The following KMT2D variants were observed in gnomAD, a reference collection of about 807,000 sequenced individuals.
KMT2D encodes the protein histone-lysine N-methyltransferase 2D.
Under a neutral mutation model 512.7 loss-of-function variants are expected in KMT2D, and 55 were observed. The ratio of observed to expected loss-of-function variants is 0.11; its 90% CI spans 0.09 to 0.13. The LOEUF is 0.13. KMT2D is among the 10% of genes least tolerant of loss of function. KMT2D has a pLI of 1.00. For missense variants in KMT2D, 6,061 were observed against 7,127.9 expected (o/e 0.85, Z 5.39); for synonymous variants, 2,995 against 2,904.0 (o/e 1.03, Z -1.01).
In KMT2D at chr12:49,033,877, G is replaced by A; in HGVS notation, c.10828C>T (p.Gln3610Ter). The change falls in exon 40 of 55, where the codon CAG (glutamine) becomes TAG (stop). Residue 3610 changes from glutamine to a stop codon, truncating the protein, a stop_gained. Coordinates refer to ENST00000301067, the MANE Select transcript of KMT2D (RefSeq NM_003482.4). LOFTEE classifies it high-confidence loss of function. ...GCCAGCACAGCTGAGTGCTGTTGCT[G>A]TTGTTGCTGCTGCTGCTGCTGTTGT... Reference protein sequence around the residue: ...QQQQQQQQQQQQQHSAVLALS... With the variant: ...QQQQQQQQQQ 6.4e-7 allele frequency: 1 copy of A among 1,554,804 alleles called. No homozygotes were observed. The highest frequency in any genetic ancestry group is 8.7e-7 in the Non-Finnish European group (1 of 1,150,296).
In KMT2D at chr12:49,051,941, A is replaced by T. The variant is rs1938075490; in HGVS notation, c.1742T>A (p.Met581Lys). The T allele has an allele frequency of 6.2e-7, 1 of 1,611,328 alleles. No homozygotes were observed. The highest frequency in any genetic ancestry group is 8.5e-7 in the Non-Finnish European group (1 of 1,179,126). ...GGGTGACTCTTCAGGTGGAGGGGAC[A>T]TGGGTGACTCCTCAGGTGGTGGAGA... The part of the protein sequence containing the change: ...RLSPPPEESP[M>K]SPPPEESPMS... The change falls in exon 11 of 55, where the codon ATG becomes AAG. Residue 581 changes from methionine to lysine, a missense_variant. By Grantham distance (95) the Met-to-Lys change is moderately conservative. This residue lies in a region of KMT2D where 848 missense variants were observed against 838.5 expected (regional missense o/e 1.01). Transcript: ENST00000301067.
chr12:49,042,847 C>T lies in KMT2D; in HGVS notation c.5676G>A (p.Gln1892=), dbSNP rs753626919. 3.7e-6 allele frequency: 6 copies of T among 1,613,962 alleles called. No homozygotes were observed. The highest frequency in any genetic ancestry group is 5.1e-6 in the Non-Finnish European group (6 of 1,179,862). ...AGCCCAGAACATCCTTGAAGAGCTG[C>T]TGCAGGTCCTTGGATTCCATCTTGG... ...ELPKMESKDL[Q]QLFKDVLGSE... is the part of the protein sequence containing the mutation. The change falls in exon 27 of 55, where the codon CAG becomes CAA. Residue 1892 remains glutamine, a synonymous_variant. Coordinates refer to ENST00000301067, the MANE Select transcript of KMT2D (RefSeq NM_003482.4). This position sits in a 1 kb window ranked among gnomAD's most constrained non-coding sequence, Gnocchi z 4.4.
In KMT2D at chr12:49,060,274, G is replaced by A. The variant is rs1197112227; in HGVS notation, c.-699C>T. Among the ~76,000 whole-genome samples, 1 of 152,090 alleles carries A rather than the reference G, an allele frequency of 6.6e-6. No individual in the cohort carries two copies. The highest frequency in any genetic ancestry group is 1.9e-4 in the East Asian group (1 of 5,160). Reference sequence around the variant, plus strand: ...CCCCCCACCTTCTGCTCCCCCCGGGGAAGGGAGGAGGCTAGGTAGGCGAGG... The same window carrying A: ...CCCCCCACCTTCTGCTCCCCCCGGGAAAGGGAGGAGGCTAGGTAGGCGAGG... On this transcript the variant is annotated 5_prime_UTR_variant, in exon 1 of 55. Transcript: ENST00000301067.
In KMT2D at chr12:49,054,863, A is replaced by G; in HGVS notation, c.176+37T>C. The G allele has an allele frequency of 6.2e-7, 1 of 1,607,272 alleles. No homozygotes were observed. Among genetic ancestry groups the G allele is most frequent in the Non-Finnish European group, 8.5e-7 (1 of 1,174,790 alleles). ...CTAAATTCTCTTCCTTGAAAGCCCT[A>G]GACTCTCAAATCCTCATGTGCCCTC... On this transcript the variant is annotated intron_variant, in intron 3 of 54. Coordinates refer to ENST00000301067, the MANE Select transcript of KMT2D (RefSeq NM_003482.4). This position sits in a 1 kb window ranked among gnomAD's most constrained non-coding sequence, Gnocchi z 6.4.
chr12:49,054,583 T>C lies in KMT2D; in HGVS notation c.345A>G (p.Leu115=). The C allele has an allele frequency of 1.2e-6, 2 of 1,613,286 alleles. No individual in the cohort carries two copies. Among genetic ancestry groups the C allele is most frequent in the Non-Finnish European group, 1.7e-6 (2 of 1,179,550 alleles). The change falls in exon 4 of 55, where the codon CTA becomes CTG. Residue 115 remains leucine, a synonymous_variant. Transcript: ENST00000301067. This position sits in a 1 kb window ranked among gnomAD's most constrained non-coding sequence, Gnocchi z 6.4. ...GGCCCTCAGGGAAACCAATCTGTGA[T>C]AGGTCCTCACTGGGCAGCACTGCCT... ...PNEAVLPSED[L]SQIGFPEGLT... is the part of the protein sequence containing the mutation.
Position 49,033,287 on chromosome 12 carries a change from C to G in KMT2D, c.11418G>C (p.Gln3806His). Residue 3806 changes from glutamine to histidine, a missense_variant, in exon 40 of 55, where the codon CAG (glutamine) becomes CAC (histidine). This residue lies in a region of KMT2D where 1,600 missense variants were observed against 1,754.9 expected (regional missense o/e 0.91). Coordinates refer to ENST00000301067, the MANE Select transcript of KMT2D (RefSeq NM_003482.4). ...GGTGCTGCTGCTGCAACACAGCCACCTGGGCAGGGCCCAGCATGCCCTGGG... is the reference window on the plus strand; with the variant it reads ...GGTGCTGCTGCTGCAACACAGCCACGTGGGCAGGGCCCAGCATGCCCTGGG... ...QGPQGMLGPA[Q>H]VAVLQQQHPG... is the part of the protein sequence containing the mutation. 1 of 1,579,656 alleles carries G rather than the reference C, an allele frequency of 6.3e-7. No homozygotes were observed.
chr12:49,042,931 C>T lies in KMT2D; in HGVS notation c.5645-53G>A, dbSNP rs559713064. The T allele has an allele frequency of 5.0e-6, 8 of 1,606,850 alleles. No individual in the cohort carries two copies. The South Asian group carries it at 7.7e-5, about 15-fold the overall frequency. On this transcript the variant is annotated intron_variant, in intron 26 of 54. Coordinates refer to ENST00000301067, the MANE Select transcript of KMT2D (RefSeq NM_003482.4). This position sits in a 1 kb window ranked among gnomAD's most constrained non-coding sequence, Gnocchi z 4.4. ...GGAAGACTGGGAAGTTCAGGTGACA[C>T]CACAGGTCTACAAATGATCATGGCC...
At chr12:49,049,384 G>T (rs74652999) in intron 12 of KMT2D, among the ~76,000 whole-genome samples, 166 bp from the exon 13 acceptor site, 1 of 152,168 alleles carries the variant, frequency 6.6e-6, no homozygotes, top group South Asian at 2.1e-4. Context: ...ATCAACAAGC[G>T]CATAGCTCTA....
At position 49,050,907 on chromosome 12, in the gene KMT2D, A is replaced by ACCC; in HGVS notation, c.2775_2776insGGG (p.Leu925_Ser926insGly). 1 of 1,536,612 alleles carries ACCC rather than the reference A, an allele frequency of 6.5e-7. No homozygotes were observed. The highest frequency in any genetic ancestry group is 8.8e-7 in the Non-Finnish European group (1 of 1,140,338). ...TTACCTGGTGGCATCAGCTGAGGCG[A>ACCC]CAAGGATGGCTCCCCAGATGGGGAC... On this transcript the variant is annotated inframe_insertion, in exon 11 of 55. Coordinates refer to ENST00000301067, the MANE Select transcript of KMT2D (RefSeq NM_003482.4).
rs181521514 is a variant in KMT2D at position 49,041,496 on chromosome 12, C to T, written c.6274G>A (p.Asp2092Asn). Residue 2092 changes from aspartate (D) to asparagine (N), a missense_variant, in exon 32 of 55, where the codon GAC becomes AAC. Coordinates refer to ENST00000301067, the MANE Select transcript of KMT2D (RefSeq NM_003482.4). The surrounding 1 kb of genome is among the most constrained non-coding windows in gnomAD (Gnocchi z 5.4). ...SQINKQTKVG[D>N]IARKTDRPAL... ...GGTCGGTCAGTCTTACGGGCTATGT[C>T]GCCCACCTTGGTCTGCTTGTTGATC... 31 of 1,613,584 alleles carry T rather than the reference C, an allele frequency of 1.9e-5. No individual in the cohort carries two copies. The highest frequency in any genetic ancestry group is 1.0e-4 in the Admixed American group (6 of 60,002).
At chr12:49,045,054 C>T in intron 19 of KMT2D, 89 bp from the exon 20 acceptor site, 1 of 1,290,946 alleles carries the variant, frequency 7.7e-7, no homozygotes. Context: ...TTAGCTGAGA[C>T]AAAGGCAGTG....
rs763806964 is a variant in KMT2D at position 49,052,949 on chromosome 12, A to T, written c.1078T>A (p.Ser360Thr). The T allele has an allele frequency of 8.1e-6, 13 of 1,613,816 alleles. No homozygotes were observed. The highest frequency in any genetic ancestry group is 1.7e-5 in the Admixed American group (1 of 60,000). ...HKAQGGQTIR[S>T]VAEQHTPVCS... The stretch of plus-strand genomic sequence containing the variant: ...ACCGGGGTATGCTGCTCAGCAACGG[A>T]GCGGATAGTCTGACCTCCCTGGGCT... Residue 360 changes from serine (S) to threonine (T), a missense_variant, in exon 9 of 55, where the codon TCC becomes ACC. Coordinates refer to ENST00000301067, the MANE Select transcript of KMT2D (RefSeq NM_003482.4).
At position 49,052,960 on chromosome 12, in the gene KMT2D, T is replaced by G. The variant is rs754843359; in HGVS notation, c.1067A>C (p.Gln356Pro). 6.2e-7 allele frequency: 1 copy of G among 1,614,030 alleles called. No homozygotes were observed. Among genetic ancestry groups the G allele is most frequent in the Non-Finnish European group, 8.5e-7 (1 of 1,179,866 alleles). Residue 356 changes from glutamine (Q) to proline (P), a missense_variant, in exon 9 of 55, where the codon CAG (glutamine) becomes CCG (proline). Physicochemically the swap from Gln to Pro is moderately conservative, Grantham distance 76. This residue lies in a region of KMT2D where 848 missense variants were observed against 838.5 expected (regional missense o/e 1.01). Coordinates refer to ENST00000301067, the MANE Select transcript of KMT2D (RefSeq NM_003482.4). ...CTGCTCAGCAACGGAGCGGATAGTC[T>G]GACCTCCCTGGGCTTTGTGACAGCG... ...CHRCHKAQGG[Q>P]TIRSVAEQHT...
At position 49,037,487 on chromosome 12, in the gene KMT2D, C is replaced by T. The variant is rs142911865; in HGVS notation, c.9869G>A (p.Gly3290Asp). Residue 3290 changes from glycine to aspartate, a missense_variant, in exon 35 of 55, where the codon GGC becomes GAC. By Grantham distance (94) the Gly-to-Asp change is moderately conservative. Around this residue, in one of 16 missense-constraint regions of KMT2D, gnomAD observed 533 missense variants for 539.6 expected, o/e 0.99. Coordinates refer to ENST00000301067, the MANE Select transcript of KMT2D (RefSeq NM_003482.4). ...QQQHSLLSAP[G>D]PAQAMSLPHE... ...TGGCAAAGACATGGCCTGGGCAGGG[C>T]CTGGTGCAGACAGTAGGGAATGCTG... is the stretch of plus-strand genomic sequence containing the variant. 3 of 1,560,178 alleles carry T rather than the reference C, an allele frequency of 1.9e-6. No individual in the cohort carries two copies. The highest frequency in any genetic ancestry group is 2.4e-5 in the East Asian group (1 of 41,524).
At position 49,032,355 on chromosome 12, in the gene KMT2D, C is replaced by T. The variant is rs2120430608; in HGVS notation, c.12350G>A (p.Gly4117Glu). ...LLHTAGGGSHGQLGSGSSSEA... is the reference protein window; with the variant it reads ...LLHTAGGGSHEQLGSGSSSEA... ...AGAAGATGATCCACTGCCTAGCTGC[C>T]CATGGCTTCCTCCACCTGCTGTGTG... Residue 4117 changes from glycine (G) to glutamate (E), a missense_variant, in exon 40 of 55, where the codon GGG (glycine) becomes GAG (glutamate). By Grantham distance (98) the Gly-to-Glu change is moderately conservative (BLOSUM62 -2). This residue lies in a region of KMT2D where 1,600 missense variants were observed against 1,754.9 expected (regional missense o/e 0.91). Coordinates refer to ENST00000301067, the MANE Select transcript of KMT2D (RefSeq NM_003482.4). The T allele has an allele frequency of 6.2e-7, 1 of 1,613,388 alleles. No individual in the cohort carries two copies. Among genetic ancestry groups the T allele is most frequent in the Non-Finnish European group, 8.5e-7 (1 of 1,179,604 alleles).
At chr12:49,048,582 T>A in intron 14 of KMT2D, 77 bp downstream of exon 14, 1 of 932,800 alleles carries the variant, frequency 1.1e-6, no homozygotes, top group Non-Finnish European at 1.7e-6. Flanking sequence ...CCAAAGTAGG[T>A]CCAGTTTTCC....
In KMT2D at chr12:49,054,479, A is replaced by G. The variant is rs1204820599; in HGVS notation, c.400+49T>C. ...TTAACAAAAAGAGGATTGCTGGCTCAGGACTACCCAGCCCTTATCCCATTT... is the reference window on the plus strand; with the variant it reads ...TTAACAAAAAGAGGATTGCTGGCTCGGGACTACCCAGCCCTTATCCCATTT... On this transcript the variant is annotated intron_variant, in intron 4 of 54. Transcript: ENST00000301067. This position sits in a 1 kb window ranked among gnomAD's most constrained non-coding sequence, Gnocchi z 6.4. 6.3e-7 allele frequency: 1 copy of G among 1,575,828 alleles called. No individual in the cohort carries two copies. The highest frequency in any genetic ancestry group is 8.6e-7 in the Non-Finnish European group (1 of 1,158,508).
chr12:49,038,054 G>A lies in KMT2D; in HGVS notation c.9302C>T (p.Pro3101Leu), dbSNP rs1271758887. 4 of 1,612,560 alleles carry A rather than the reference G, an allele frequency of 2.5e-6. No individual in the cohort carries two copies. Among genetic ancestry groups the A allele is most frequent in the Non-Finnish European group, 2.5e-6 (3 of 1,179,456 alleles). The stretch of plus-strand genomic sequence containing the variant: ...GGGTTCAGAGGCATCAGCAGCAGGG[G>A]GAGGGCGCTCCTCAGGGCCCAAGGG... ...PGPLGPEERP[P>L]PAADASEPRL... Residue 3101 changes from proline (P) to leucine (L), a missense_variant, in exon 35 of 55, where the codon CCC becomes CTC. This residue lies in a region of KMT2D where 533 missense variants were observed against 539.6 expected (regional missense o/e 0.99). Transcript: ENST00000301067. This position sits in a 1 kb window ranked among gnomAD's most constrained non-coding sequence, Gnocchi z 5.7.
At chr12:49,048,985 G>A in intron 13 of KMT2D, 120 bp downstream of exon 13, 1 of 737,416 alleles carries the variant, frequency 1.4e-6, no homozygotes, top group Non-Finnish European at 2.4e-6. Context: ...CAGGAATTCA[G>A]ACATAGCCAG....
Sources: gnomAD v4.1 joint callset for allele counts (sites outside exome capture counted in the v4.1 genomes callset) on GRCh38, gnomAD v4.1.1 for gene constraint, gnomAD v4.1.1 regional missense constraint, Gnocchi (gnomAD v3.1) non-coding constraint, MANE v1.5 for transcripts, NCBI Gene and HGNC (gene_info 2026-07-23, HGNC 2026-07-21) for gene names.